The following ZNF717 variants were observed in gnomAD, a reference collection of about 807,000 sequenced individuals.
The protein encoded by ZNF717 is zinc finger protein 717, also known as krueppel-like factor X17.
Under a neutral mutation model 13.8 loss-of-function variants are expected in ZNF717, and 9 were observed. The ratio of observed to expected loss-of-function variants is 0.65; its 90% CI spans 0.39 to 1.14. The LOEUF is 1.14. Ranked by LOEUF, ZNF717 falls within the 50% of genes most tolerant of loss-of-function variation. The pLI, the probability that ZNF717 is intolerant of heterozygous loss-of-function variation, is 0.01. For synonymous variants in ZNF717, 327 were observed against 364.1 expected (o/e 0.90, Z 1.16); for missense variants, 1,040 against 1,080.7 (o/e 0.96, Z 0.53).
At chr3:75,769,949 G>A (rs1943763094) in intron 2 of ZNF717, among the ~76,000 whole-genome samples, 2 of 152,136 alleles carry the variant, frequency 1.3e-5, no homozygotes, top group Admixed American at 6.6e-5. Context: ...TAGAATCATT[G>A]ACATAAATTT....
intron 2 of ZNF717, among the ~76,000 whole-genome samples, chr3:75,750,942 T>C (rs1275915767): frequency 1.6e-4 from 24 of 149,050 alleles, no homozygotes; most frequent in Middle Eastern, 3.4e-3. Flanking sequence ...GTCCCTCACA[T>C]AGGATTCCAG....
intron 4 of ZNF717, among the ~76,000 whole-genome samples, chr3:75,720,919 A>C (rs1938155057): frequency 6.6e-6 from 1 of 152,192 alleles, no homozygotes; most frequent in East Asian, 1.9e-4. Context: ...TATTTTTCTA[A>C]ATGAAAATAA....
Position 75,738,086 on chromosome 3 carries a change from C to A in ZNF717, c.1537G>T (p.Gly513Trp). 7.4e-7 allele frequency: 1 copy of A among 1,349,536 alleles called. No homozygotes were observed. The highest frequency in any genetic ancestry group is 1.5e-5 in the African/African-American group (1 of 68,732). 83.6% of individuals were successfully genotyped at this position (1,349,536 alleles called of 1,614,324 possible). Residue 513 changes from glycine to tryptophan, a missense_variant, in exon 5 of 5, where the codon GGG becomes TGG. Coordinates refer to ENST00000652011, the MANE Select transcript of ZNF717 (RefSeq NM_001290208.3). ...AATGACTTACAGCGAAAGGTTTTCC[C>A]ACATTCATTGCATTCGTAGGGTTTT... Reference protein sequence around the residue: ...GEKPYECNECGKTFRCKSFLT... With the variant: ...GEKPYECNECWKTFRCKSFLT...
In ZNF717 at chr3:75,700,760, C is replaced by T. The variant is rs1162462831; in HGVS notation, n.1085+10427G>A. On this transcript the variant is annotated intron_variant and non_coding_transcript_variant, in intron 6 of 6. Transcript: ENST00000648506. ...TAGGCAGAAGAATAAAACGAGAATC[C>T]TATTTCTTGCCACATACAAAAATCA... Among the ~76,000 whole-genome samples, 9 of 152,376 alleles carry T rather than the reference C, an allele frequency of 5.9e-5. No homozygotes were observed. In the South Asian group the frequency reaches 1.4e-3, roughly 25 times the overall value.
intron 5 of ZNF717, among the ~76,000 whole-genome samples, chr3:75,714,970 G>C (rs1439320362): frequency 2.0e-5 from 3 of 152,020 alleles, no homozygotes; most frequent in Non-Finnish European, 2.9e-5. Flanking sequence ...CAGATCTTAT[G>C]GTTCTTTTAT....
chr3:75,751,822 G>A (rs1432811980), intron 2 of ZNF717, among the ~76,000 whole-genome samples: 1 of 151,714 alleles, frequency 6.6e-6, no homozygotes, highest in East Asian at 2.0e-4. Flanking sequence ...TGAGAACACT[G>A]CTGCTGGATT....
At chr3:75,733,595 G>A (rs376701638), downstream of ZNF717, among the ~76,000 whole-genome samples, 2 of 116,098 alleles carry the variant, frequency 1.7e-5, no homozygotes, top group African/African-American at 3.4e-5. Flanking sequence ...TGGCTAACAC[G>A]GTGAAACCCC....
intron 2 of ZNF717, among the ~76,000 whole-genome samples, chr3:75,770,539 A>G (rs1200523850): frequency 2.0e-5 from 3 of 152,180 alleles, no homozygotes; most frequent in African/African-American, 4.8e-5. Flanking sequence ...CAGCATGGGC[A>G]ACAAGAGCGA....
intron 6 of ZNF717, among the ~76,000 whole-genome samples, chr3:75,699,937 G>T (rs1575758064): frequency 2.6e-5 from 4 of 152,294 alleles, no homozygotes; most frequent in Admixed American, 1.3e-4. Context: ...ATTTACCAAA[G>T]AAATAAAAGT....
chr3:75,749,763 C>CA (rs1941537678), intron 2 of ZNF717, among the ~76,000 whole-genome samples: 1 of 151,426 alleles, frequency 6.6e-6, no homozygotes, highest in Non-Finnish European at 1.5e-5. Flanking sequence ...CAGAACAATG[C>CA]TGCTGGAGTC....
At chr3:75,732,054 A>C (rs1938606160), downstream of ZNF717, 2 of 702,740 alleles carry the variant, frequency 2.8e-6, no homozygotes, top group Non-Finnish European at 5.2e-6. Flanking sequence ...ATATTGTAAA[A>C]TTTACCTCCT....
chr3:75,764,000 C>A (rs1044794533), intron 2 of ZNF717, among the ~76,000 whole-genome samples: 83 of 152,320 alleles, frequency 5.4e-4, no homozygotes, highest in African/African-American at 2.0e-3. Context: ...TTTGCAAAAT[C>A]TTTACTAGAC....
chr3:75,779,724 G>T (rs1387922959), intron 2 of ZNF717, among the ~76,000 whole-genome samples: 1 of 142,986 alleles, frequency 7.0e-6, no homozygotes, highest in Non-Finnish European at 1.5e-5. Flanking sequence ...TGCTAAAACC[G>T]GAACCCAAAA....
At chr3:75,707,901 G>A (rs1315126328), downstream of ZNF717, among the ~76,000 whole-genome samples, 2 of 152,290 alleles carry the variant, frequency 1.3e-5, no homozygotes, top group Non-Finnish European at 2.9e-5. Context: ...AAGGCTGGGG[G>A]AGGGGCGCCT....
intron 6 of ZNF717, among the ~76,000 whole-genome samples, chr3:75,704,466 G>T (rs1287954706): frequency 9.9e-5 from 15 of 152,134 alleles, no homozygotes; most frequent in Admixed American, 9.2e-4. Context: ...AGGCGGGCAA[G>T]AACGATTATC....
At chr3:75,765,025 A>ATATATATG (rs1943346957) in intron 2 of ZNF717, among the ~76,000 whole-genome samples, 2 of 61,432 alleles carry the variant, frequency 3.3e-5, no homozygotes, top group Non-Finnish European at 7.3e-5. Flanking sequence ...ATATATATAT[A>ATATATATG]TATATGTATA....
intron 2 of ZNF717, among the ~76,000 whole-genome samples, chr3:75,764,902 G>T (rs1252591413): frequency 6.6e-6 from 1 of 151,498 alleles, no homozygotes; most frequent in Non-Finnish European, 1.5e-5. Flanking sequence ...AAACAGATAT[G>T]TGCACACCTA....
chr3:75,759,167 T>C (rs1039248468), intron 2 of ZNF717, among the ~76,000 whole-genome samples: 17 of 150,612 alleles, frequency 1.1e-4, no homozygotes, highest in Non-Finnish European at 8.8e-5. Flanking sequence ...ACTCACTTTA[T>C]TGCAGTGGTC....
At chr3:75,778,604 G>T (rs1374629104) in intron 2 of ZNF717, among the ~76,000 whole-genome samples, 2 of 150,474 alleles carry the variant, frequency 1.3e-5, no homozygotes, top group Non-Finnish European at 2.9e-5. Flanking sequence ...GCCAAAACCA[G>T]AAACCAAAAA....
Sources: gnomAD v4.1 joint callset for allele counts (sites outside exome capture counted in the v4.1 genomes callset) on GRCh38, gnomAD v4.1.1 for gene constraint, MANE v1.5 for transcripts, NCBI Gene and HGNC (gene_info 2026-07-23, HGNC 2026-07-21) for gene names.